CGN: variants seen among roughly 807,000 people sequenced by gnomAD.
CGN encodes cingulin.
In CGN, 121 loss-of-function variants were observed where a neutral mutation model predicts 157.1. That is an observed-to-expected ratio of 0.77 (90% CI 0.66 to 0.90). The LOEUF is 0.90. Ranked by LOEUF, CGN falls within the 40% of genes least tolerant of loss-of-function variation. CGN has a pLI of 0.00. For synonymous variants in CGN, 535 were observed against 607.5 expected (o/e 0.88, Z 1.76); for missense variants, 1,424 against 1,520.9 (o/e 0.94, Z 1.06).
rs1451563757 is a variant in CGN at position 151,535,768 on chromosome 1, T to C, written c.3079-12T>C. 1 of 1,613,038 alleles carries C rather than the reference T, an allele frequency of 6.2e-7. No individual in the cohort carries two copies. Among genetic ancestry groups the C allele is most frequent in the Non-Finnish European group, 8.5e-7 (1 of 1,179,068 alleles). On this transcript the variant is annotated splice_polypyrimidine_tract_variant and intron_variant, in intron 17 of 20. Transcript: ENST00000271636. ...TGGAGTGCTAACTGTGGAGGCTTCCTGTCCCTCTCAGAACAAGGACCTGAA... is the reference window on the plus strand; with the variant it reads ...TGGAGTGCTAACTGTGGAGGCTTCCCGTCCCTCTCAGAACAAGGACCTGAA...
chr1:151,533,904 T>C, intron 14 of CGN, 71 bp from the exon 15 acceptor site: 1 of 1,380,430 alleles, frequency 7.2e-7, no homozygotes, highest in Non-Finnish European at 9.9e-7. Context: ...CCCACTGGGC[T>C]GGACTGCTCC....
In CGN at chr1:151,524,706, G is replaced by T; in HGVS notation, c.1434G>T (p.Glu478Asp). The T allele has an allele frequency of 6.2e-7, 1 of 1,609,688 alleles. No homozygotes were observed. Residue 478 changes from glutamate (E) to aspartate (D), a missense_variant, in exon 8 of 21, where the codon GAG (glutamate) becomes GAT (aspartate). Physicochemically the swap from Glu to Asp is conservative, Grantham distance 45. This residue lies in a region of CGN where 1,187 missense variants were observed against 1,217.6 expected (regional missense o/e 0.97). Coordinates refer to ENST00000271636, the MANE Select transcript of CGN (RefSeq NM_020770.3). This position sits in a 1 kb window ranked among gnomAD's most constrained non-coding sequence, Gnocchi z 4.4. Reference sequence around the variant, plus strand: ...TAGAGACCCGGGAACTTCTGGAAGAGGTCTTGGAGGGGAAACAGCGAGTAG... The same window carrying T: ...TAGAGACCCGGGAACTTCTGGAAGATGTCTTGGAGGGGAAACAGCGAGTAG... ...DLLETRELLEEVLEGKQRVEE... is the reference protein window; with the variant it reads ...DLLETRELLEDVLEGKQRVEE...
intron 1 of CGN, among the ~76,000 whole-genome samples, chr1:151,517,508 G>GT (rs560006460): frequency 0.028 from 3,707 of 130,692 alleles, 71 homozygotes; most frequent in Non-Finnish European, 0.045. Flanking sequence ...GGCACACAGT[G>GT]TTTTTTTTTT....
intron 13 of CGN, 140 bp downstream of exon 13, chr1:151,530,886 A>AT: frequency 1.1e-6 from 1 of 887,464 alleles, no homozygotes; most frequent in Non-Finnish European, 1.7e-6. Flanking sequence ...CACTCCTGTA[A>AT]TTCCAGCACT....
intron 9 of CGN, 67 bp from the exon 10 acceptor site, chr1:151,526,908 T>C: frequency 1.2e-6 from 2 of 1,600,756 alleles, no homozygotes; most frequent in African/African-American, 1.3e-5. Context: ...ATTGTCATGC[T>C]AACCTCCCCC....
chr1:151,511,731 C>T lies in CGN; in HGVS notation c.-15+216C>T, dbSNP rs1664299727. ...CAGATGCAGGTGGCTAGGAAGGTGC[C>T]AGGCGAGGGGCACCTGGGGCGAAGG... is the stretch of plus-strand genomic sequence containing the variant. On this transcript the variant is annotated intron_variant, in intron 1 of 20. Coordinates refer to ENST00000271636, the MANE Select transcript of CGN (RefSeq NM_020770.3). The surrounding 1 kb of genome is among the most constrained non-coding windows in gnomAD (Gnocchi z 4.8). Among the ~76,000 whole-genome samples, 3 of 152,180 alleles carry T rather than the reference C, an allele frequency of 2.0e-5. No homozygotes were observed. The highest frequency in any genetic ancestry group is 6.5e-5 in the Admixed American group (1 of 15,276).
intron 9 of CGN, among the ~76,000 whole-genome samples, chr1:151,526,434 C>T (rs1191489379): frequency 4.0e-5 from 6 of 151,814 alleles, no homozygotes; most frequent in Non-Finnish European, 1.5e-5. Flanking sequence ...CTCGGCCCCC[C>T]AAAACGCTGG....
intron 19 of CGN, 65 bp from the exon 20 acceptor site, chr1:151,536,665 G>T: frequency 1.3e-6 from 2 of 1,525,796 alleles, no homozygotes; most frequent in Admixed American, 3.6e-5. Context: ...AGATTGTTAT[G>T]GGGGAGGGTC....
intron 13 of CGN, 100 bp from the exon 14 acceptor site, chr1:151,532,302 C>T (rs6673116): frequency 0.34 from 292,548 of 855,410 alleles, 54,361 homozygotes; most frequent in East Asian, 0.66. Context: ...GAGAGGGCTG[C>T]CTTGTCAGGA....
chr1:151,533,179 T>G (rs921335197), intron 14 of CGN, among the ~76,000 whole-genome samples: 6 of 152,198 alleles, frequency 3.9e-5, no homozygotes, highest in African/African-American at 9.7e-5. Flanking sequence ...GTGTAGAGAC[T>G]TTAAAAACAA....
At chr1:151,532,610 CTCT>C in intron 14 of CGN, 38 bp downstream of exon 14, 228 of 1,065,926 alleles carry the variant, frequency 2.1e-4, no homozygotes, top group Middle Eastern at 3.2e-4. Context: ...AGGTCCTTGC[CTCT>C]TTTTTTTTTT....
At chr1:151,519,930 A>T (rs2102489993) in intron 2 of CGN, among the ~76,000 whole-genome samples, 1 of 152,268 alleles carries the variant, frequency 6.6e-6, no homozygotes, top group South Asian at 2.1e-4. Context: ...GTTGAGGAAA[A>T]TCTGGTTTAC....
rs773385214 is a variant in CGN, at chr1:151,527,044, G to T, written c.1833G>T (p.Gln611His). The change falls in exon 10 of 21, where the codon CAG becomes CAT. Residue 611 changes from glutamine to histidine, a missense_variant. Transcript: ENST00000271636. ...TTGGAGAGAAGATAGAGGTCTTGCA[G>T]AGGGAATTAGAGCAGGCCCGAGCTA... ...EELGEKIEVL[Q>H]RELEQARASA... The T allele has an allele frequency of 6.2e-7, 1 of 1,614,222 alleles. No homozygotes were observed. Among genetic ancestry groups the T allele is most frequent in the South Asian group, 1.1e-5 (1 of 91,090 alleles).
At chr1:151,528,280 C>T (rs904061374) in intron 10 of CGN, among the ~76,000 whole-genome samples, 15 of 152,110 alleles carry the variant, frequency 9.9e-5, no homozygotes, top group African/African-American at 3.4e-4. Flanking sequence ...AGCCACCGCA[C>T]CCAGCCTCAC....
chr1:151,513,358 G>A (rs1484614619), intron 1 of CGN, among the ~76,000 whole-genome samples: 1 of 152,148 alleles, frequency 6.6e-6, no homozygotes, highest in Non-Finnish European at 1.5e-5. Context: ...TGGCTCTCAG[G>A]TTTCTGCTCT....
At chr1:151,528,464 C>T (rs1365771478) in intron 10 of CGN, among the ~76,000 whole-genome samples, 1 of 150,584 alleles carries the variant, frequency 6.6e-6, no homozygotes, top group Non-Finnish European at 1.5e-5. Context: ...GCTACCCAAG[C>T]TGGAGTGCAG....
At chr1:151,512,011 C>T (rs1186278135) in intron 1 of CGN, among the ~76,000 whole-genome samples, 3 of 152,118 alleles carry the variant, frequency 2.0e-5, no homozygotes, top group African/African-American at 7.2e-5. Context: ...TTTGAGATGA[C>T]TCTGAGGTGT....
At position 151,537,748 on chromosome 1, in the gene CGN, T is replaced by G; in HGVS notation, c.*402T>G. 6.3e-6 allele frequency: 1 copy of G among 159,870 alleles called. No individual in the cohort carries two copies. The allele number at this position is 159,870 out of a possible 1,614,324, so 9.9% of individuals were successfully genotyped here. Reference sequence around the variant, plus strand: ...ACCCTATGTTATTGTGCTCCCTGGATTCCTGCAACTCATTTTCCTTCCACT... The same window carrying G: ...ACCCTATGTTATTGTGCTCCCTGGAGTCCTGCAACTCATTTTCCTTCCACT... On this transcript the variant is annotated 3_prime_UTR_variant, in exon 21 of 21. Transcript: ENST00000271636.
Position 151,518,654 on chromosome 1 carries a change from T to C in CGN, c.135T>C (p.Asp45=). 6.2e-7 allele frequency: 1 copy of C among 1,614,088 alleles called. No individual in the cohort carries two copies. Among genetic ancestry groups the C allele is most frequent in the Non-Finnish European group, 8.5e-7 (1 of 1,180,014 alleles). ...LRRGGRRPAK[D]ARASTYGVAV... is the part of the protein sequence containing the mutation. The stretch of plus-strand genomic sequence containing the variant: ...GAGGTGGACGACGCCCAGCTAAGGA[T>C]GCAAGAGCCAGTACCTACGGGGTTG... Residue 45 remains aspartate, a synonymous_variant, in exon 2 of 21, where the codon GAT becomes GAC. Coordinates refer to ENST00000271636, the MANE Select transcript of CGN (RefSeq NM_020770.3).
Sources: gnomAD v4.1 joint callset for allele counts (sites outside exome capture counted in the v4.1 genomes callset) on GRCh38, gnomAD v4.1.1 for gene constraint, gnomAD v4.1.1 regional missense constraint, Gnocchi (gnomAD v3.1) non-coding constraint, MANE v1.5 for transcripts, NCBI Gene and HGNC (gene_info 2026-07-23, HGNC 2026-07-21) for gene names.